The following PLPPR1 variants were observed in gnomAD, a reference collection of about 807,000 sequenced individuals.
PLPPR1 encodes the protein phospholipid phosphatase related 1.
PLPPR1 carries 10 observed loss-of-function variants against 33.1 expected under a neutral mutation model. The observed-to-expected ratio is 0.30, with a 90% confidence interval of 0.19 to 0.51. The LOEUF is 0.51. Among genes scored for constraint, PLPPR1 ranks in the 20% least tolerant of loss-of-function variants. The probability of loss-of-function intolerance (pLI) is 0.97; values close to 1 mark genes in which losing one functional copy is unlikely to be tolerated. For missense variants in PLPPR1, 304 were observed against 408.1 expected (o/e 0.74, Z 2.20); for synonymous variants, 151 against 151.0 (o/e 1.00, Z 0.00).
chr9:101,112,940 T>C (rs1018654821), intron 1 of PLPPR1, among the ~76,000 whole-genome samples: 1 of 152,376 alleles, frequency 6.6e-6, no homozygotes, highest in South Asian at 2.1e-4. Context: ...ATATTTTCTT[T>C]CATTTTCAGT....
At chr9:101,292,909 T>G (rs1225049854) in intron 4 of PLPPR1, among the ~76,000 whole-genome samples, 4 of 151,706 alleles carry the variant, frequency 2.6e-5, no homozygotes, top group South Asian at 2.1e-4. Flanking sequence ...ACGAGCAAAA[T>G]AACCAGCTAA....
intron 1 of PLPPR1, among the ~76,000 whole-genome samples, chr9:101,099,085 T>TAGAC (rs58950244): frequency 9.7e-5 from 14 of 143,616 alleles, no homozygotes; most frequent in Middle Eastern, 3.2e-3. Flanking sequence ...ATAAGTCTAA[T>TAGAC]GGATGTGGTG....
At position 101,288,407 on chromosome 9, in the gene PLPPR1, C is replaced by T. The variant is rs774793820; in HGVS notation, c.385+2171C>T. On this transcript the variant is annotated intron_variant, in intron 4 of 7. Coordinates refer to ENST00000374874, the MANE Select transcript of PLPPR1 (RefSeq NM_207299.2). ...GGACCTTGGGAGGATAAGCCAGCGACATTCAAATAAGGTGAGTTAGAGTTC... is the reference window on the plus strand; with the variant it reads ...GGACCTTGGGAGGATAAGCCAGCGATATTCAAATAAGGTGAGTTAGAGTTC... 1.3e-3 allele frequency among the ~76,000 whole-genome samples: 193 copies of T among 152,220 alleles called. 4 individuals are homozygous for T. The Middle Eastern group carries it at 0.02, about 16-fold the overall frequency.
intron 4 of PLPPR1, among the ~76,000 whole-genome samples, chr9:101,294,282 A>G (rs1375802123): frequency 1.3e-5 from 2 of 151,850 alleles, no homozygotes; most frequent in Admixed American, 1.3e-4. Flanking sequence ...TAGACCAATA[A>G]CAGGCTCTGA....
chr9:101,276,502 G>A (rs1454398334), intron 3 of PLPPR1, among the ~76,000 whole-genome samples: 2 of 151,922 alleles, frequency 1.3e-5, no homozygotes, highest in Admixed American at 6.6e-5. Context: ...ATTATGTTAA[G>A]GAACTTGACA....
intron 1 of PLPPR1, among the ~76,000 whole-genome samples, chr9:101,184,612 G>T (rs1286899024): frequency 6.6e-6 from 1 of 151,906 alleles, no homozygotes; most frequent in Non-Finnish European, 1.5e-5. Flanking sequence ...AAATGTACTG[G>T]ATTTTTAAAA....
intron 2 of PLPPR1, among the ~76,000 whole-genome samples, chr9:101,238,293 C>CTATATATA (rs1307945596): frequency 1.5e-5 from 2 of 130,350 alleles, no homozygotes; most frequent in South Asian, 2.5e-4. Context: ...TATACATACC[C>CTATATATA]TATATATATA....
intron 2 of PLPPR1, among the ~76,000 whole-genome samples, chr9:101,211,971 T>A (rs1826700047): frequency 6.6e-6 from 1 of 152,164 alleles, no homozygotes; most frequent in Admixed American, 6.5e-5. Flanking sequence ...ATACAGCTAA[T>A]GGTAAAGTTA....
chr9:101,034,820 C>CG (rs764560052), intron 1 of PLPPR1, among the ~76,000 whole-genome samples: 98 of 149,018 alleles, frequency 6.6e-4, no homozygotes, highest in Non-Finnish European at 1.3e-3. Context: ...AATTTGGGGG[C>CG]GGGGGGGTTG....
chr9:101,046,222 C>G (rs1203518351), intron 1 of PLPPR1, among the ~76,000 whole-genome samples: 2 of 151,882 alleles, frequency 1.3e-5, no homozygotes, highest in African/African-American at 2.4e-5. Context: ...TTTTTTTCCC[C>G]AGAGCTACTT....
At chr9:101,297,609 A>C (rs1319217788) in intron 4 of PLPPR1, among the ~76,000 whole-genome samples, 2 of 152,194 alleles carry the variant, frequency 1.3e-5, no homozygotes, top group Non-Finnish European at 2.9e-5. Flanking sequence ...TAAGCATAAA[A>C]CATCATAGCT....
At chr9:101,198,260 TA>T (rs981250609) in intron 2 of PLPPR1, among the ~76,000 whole-genome samples, 6 of 152,076 alleles carry the variant, frequency 3.9e-5, no homozygotes. Context: ...CTACCACCAC[TA>T]AAAACATCCC....
At chr9:101,092,473 T>C (rs1830755431) in intron 1 of PLPPR1, among the ~76,000 whole-genome samples, 1 of 152,148 alleles carries the variant, frequency 6.6e-6, no homozygotes, top group African/African-American at 2.4e-5. Flanking sequence ...AATAAGGGTA[T>C]CACCATAGTT....
At chr9:101,071,272 C>T (rs1178541045) in intron 1 of PLPPR1, among the ~76,000 whole-genome samples, 1 of 151,860 alleles carries the variant, frequency 6.6e-6, no homozygotes, top group African/African-American at 2.4e-5. Context: ...GTTTAGGCAA[C>T]CAGAAGGATG....
intron 4 of PLPPR1, among the ~76,000 whole-genome samples, chr9:101,295,205 C>T (rs1828599388): frequency 1.3e-5 from 2 of 151,696 alleles, no homozygotes; most frequent in African/African-American, 2.4e-5. Context: ...TTCACAATTG[C>T]TTCAAAGAGA....
chr9:101,183,117 A>G (rs1826143957), intron 1 of PLPPR1, among the ~76,000 whole-genome samples: 1 of 151,806 alleles, frequency 6.6e-6, no homozygotes, highest in African/African-American at 2.4e-5. Flanking sequence ...AATTTAACGT[A>G]TGACCCAGCA....
chr9:101,260,609 C>T (rs945940283), intron 2 of PLPPR1, among the ~76,000 whole-genome samples: 2 of 152,114 alleles, frequency 1.3e-5, no homozygotes, highest in Non-Finnish European at 2.9e-5. Context: ...GGATAGGGAA[C>T]TCAAGAGAAG....
At chr9:101,299,146 G>A (rs1224189380) in intron 4 of PLPPR1, among the ~76,000 whole-genome samples, 1 of 152,316 alleles carries the variant, frequency 6.6e-6, no homozygotes, top group Non-Finnish European at 1.5e-5. Flanking sequence ...ATAAGCAGAT[G>A]GAGATAATTT....
At chr9:101,113,244 G>C (rs1831079283) in intron 1 of PLPPR1, among the ~76,000 whole-genome samples, 1 of 149,382 alleles carries the variant, frequency 6.7e-6, no homozygotes. Context: ...TGTTTTAGTA[G>C]CCTCCAGTGT....
Sources: allele counts gnomAD v4.1 joint callset (sites outside exome capture counted in the v4.1 genomes callset), GRCh38; gene constraint gnomAD v4.1.1; transcripts MANE v1.5; gene names NCBI Gene and HGNC (gene_info 2026-07-23, HGNC 2026-07-21).